DNAJC1: variants seen among roughly 807,000 people sequenced by gnomAD.
DNAJC1 encodes the protein dnaJ homolog subfamily C member 1.
DNAJC1 carries 58 observed loss-of-function variants against 76.6 expected under a neutral mutation model. The observed-to-expected ratio is 0.76, with a 90% CI of 0.61 to 0.94. The LOEUF is 0.94. Among genes scored for constraint, DNAJC1 ranks in the 40% least tolerant of loss-of-function variants. The pLI is 0.00. For missense variants in DNAJC1, 689 were observed against 677.3 expected, an observed-to-expected ratio of 1.02 and a Z score of -0.19; for synonymous variants, 258 against 267.9, an observed-to-expected ratio of 0.96 and a Z score of 0.36.
intron 1 of DNAJC1, among the ~76,000 whole-genome samples, chr10:21,988,695 T>C (rs1564846382): frequency 6.6e-6 from 1 of 152,168 alleles, no homozygotes. Context: ...CTTTTGTGAA[T>C]CTCTGAAGAC....
intron 8 of DNAJC1, among the ~76,000 whole-genome samples, chr10:21,837,560 G>A (rs1378781179): frequency 1.8e-4 from 27 of 151,292 alleles, no homozygotes; most frequent in Non-Finnish European, 3.5e-4. Context: ...CTGCCTGGCC[G>A]CGACCCCATA....
chr10:21,930,322 C>A (rs1223431497), intron 1 of DNAJC1, among the ~76,000 whole-genome samples: 1 of 152,256 alleles, frequency 6.6e-6, no homozygotes, highest in Admixed American at 6.5e-5. Flanking sequence ...ATTAAAATAA[C>A]ATATTAATAT....
intron 11 of DNAJC1, among the ~76,000 whole-genome samples, chr10:21,757,478 C>A (rs1834190058): frequency 6.6e-6 from 1 of 152,190 alleles, no homozygotes; most frequent in South Asian, 2.1e-4. Flanking sequence ...GACTAAGGGT[C>A]CAGTGCAAAG....
intron 1 of DNAJC1, among the ~76,000 whole-genome samples, chr10:21,955,495 A>G (rs539329418): frequency 6.6e-6 from 1 of 152,144 alleles, no homozygotes; most frequent in Non-Finnish European, 1.5e-5. Flanking sequence ...TTTACTTTAC[A>G]TATTTCTGTA....
chr10:21,852,513 T>C (rs1086899), intron 8 of DNAJC1, among the ~76,000 whole-genome samples: 104,946 of 152,030 alleles, frequency 0.69, 36,554 homozygotes, highest in East Asian at 0.96. Flanking sequence ...ATAGCAACAA[T>C]AAAATCATAC....
At chr10:21,926,190 G>T (rs1446416561) in intron 3 of DNAJC1, among the ~76,000 whole-genome samples, 1 of 151,528 alleles carries the variant, frequency 6.6e-6, no homozygotes, top group African/African-American at 2.4e-5. Flanking sequence ...GAGTTCAAGG[G>T]ATCTGCCCTC....
chr10:21,892,537 AAC>A (rs1279379234), intron 7 of DNAJC1, among the ~76,000 whole-genome samples: 1 of 152,044 alleles, frequency 6.6e-6, no homozygotes, highest in Non-Finnish European at 1.5e-5. Context: ...ATTAAATATA[AAC>A]AGTTTAAATA....
At chr10:21,915,845 CAAA>C (rs60126807) in intron 6 of DNAJC1, among the ~76,000 whole-genome samples, 2 of 123,826 alleles carry the variant, frequency 1.6e-5, no homozygotes, top group Non-Finnish European at 3.5e-5. Flanking sequence ...CCCCATCTCC[CAAA>C]AAAAAAAAAA....
At position 21,920,909 on chromosome 10, in the gene DNAJC1, G is replaced by A; in HGVS notation, c.426C>T (p.Tyr142=). The change falls in exon 4 of 12, where the codon TAC becomes TAT. Residue 142 remains tyrosine (Y), a synonymous_variant. Transcript: ENST00000376980. ...TGCTCATTTTTCTCACCCGCCTGTA[G>A]TAGAATACAGGCTGTCGCCAATCTG... is the stretch of plus-strand genomic sequence containing the variant. ...GLPDWRQPVF[Y]YRRVRKMSNA... 1 of 1,612,482 alleles carries A rather than the reference G, an allele frequency of 6.2e-7. No homozygotes were observed. Among genetic ancestry groups the A allele is most frequent in the Non-Finnish European group, 8.5e-7 (1 of 1,178,872 alleles).
Position 22,003,617 on chromosome 10 carries a change from G to A in DNAJC1, c.-183C>T. ...CGGAGGCGGCGGGAGCCGGCTGCCG[G>A]ACGGGCGGGTGGGTAGGCGGGCGGG... On this transcript the variant is annotated 5_prime_UTR_variant, in exon 1 of 12. Coordinates refer to ENST00000376980, the MANE Select transcript of DNAJC1 (RefSeq NM_022365.4). The A allele has an allele frequency of 1.5e-6, 1 of 666,458 alleles. No homozygotes were observed. The highest frequency in any genetic ancestry group is 2.1e-6 in the Non-Finnish European group (1 of 470,156). 41.3% of individuals were successfully genotyped at this position (666,458 alleles called of 1,614,324 possible). A position where few individuals can be genotyped will look rare whatever the true frequency, so the allele number is the denominator to read the frequency against.
At chr10:21,996,392 C>CT (rs1838415561) in intron 1 of DNAJC1, among the ~76,000 whole-genome samples, 1 of 152,216 alleles carries the variant, frequency 6.6e-6, no homozygotes, top group Non-Finnish European at 1.5e-5. Flanking sequence ...ATTGGCATTA[C>CT]TTACAACTGC....
chr10:21,882,252 C>T (rs1311054850), intron 8 of DNAJC1, 30 bp downstream of exon 8: 4 of 1,577,936 alleles, frequency 2.5e-6, no homozygotes, highest in Non-Finnish European at 1.7e-6. Flanking sequence ...ACATGTTTTA[C>T]TCAAAACAAG....
intron 1 of DNAJC1, among the ~76,000 whole-genome samples, chr10:21,975,679 T>C (rs1838050677): frequency 6.6e-6 from 1 of 152,224 alleles, no homozygotes. Context: ...CACTGATAAG[T>C]GTTAGGACCA....
At chr10:21,854,133 T>A (rs1319575415) in intron 8 of DNAJC1, among the ~76,000 whole-genome samples, 1 of 152,108 alleles carries the variant, frequency 6.6e-6, no homozygotes, top group Non-Finnish European at 1.5e-5. Flanking sequence ...AACTCAACCA[T>A]CAGGTTGTTT....
intron 8 of DNAJC1, among the ~76,000 whole-genome samples, chr10:21,873,956 A>G (rs569634199): frequency 6.6e-6 from 1 of 152,374 alleles, no homozygotes; most frequent in South Asian, 2.1e-4. Context: ...TTAAGATGTT[A>G]ATTGTAATCC....
intron 8 of DNAJC1, among the ~76,000 whole-genome samples, chr10:21,875,179 C>T (rs1000856604): frequency 1.3e-5 from 2 of 152,148 alleles, no homozygotes; most frequent in South Asian, 2.1e-4. Flanking sequence ...CCACGCCCAG[C>T]GAGAAAAGTT....
chr10:21,765,914 G>A (rs905919478), intron 10 of DNAJC1, among the ~76,000 whole-genome samples: 6 of 152,192 alleles, frequency 3.9e-5, no homozygotes, highest in Non-Finnish European at 8.8e-5. Context: ...CTGCAAGTGC[G>A]GCAGTGACAG....
chr10:21,963,892 C>T (rs1183163474), intron 1 of DNAJC1, among the ~76,000 whole-genome samples: 1 of 151,096 alleles, frequency 6.6e-6, no homozygotes, highest in African/African-American at 2.4e-5. Flanking sequence ...TATTTATTTA[C>T]TGCCTTTATT....
chr10:21,832,843 T>C (rs1835382828), intron 8 of DNAJC1, among the ~76,000 whole-genome samples: 2 of 152,228 alleles, frequency 1.3e-5, no homozygotes, highest in South Asian at 2.1e-4. Flanking sequence ...TCAAGATCTA[T>C]GATTTGGCTG....
Sources: allele counts gnomAD v4.1 joint callset (sites outside exome capture counted in the v4.1 genomes callset), GRCh38; gene constraint gnomAD v4.1.1; transcripts MANE v1.5; gene names NCBI Gene and HGNC (gene_info 2026-07-23, HGNC 2026-07-21).